TLN2: variants seen among roughly 807,000 people sequenced by gnomAD.
TLN2 encodes talin 2.
TLN2 carries 118 observed loss-of-function variants against 294.7 expected under a neutral mutation model. The observed-to-expected ratio is 0.40, with a 90% confidence interval of 0.34 to 0.47. The LOEUF (loss-of-function observed/expected upper bound fraction) is 0.47. Ranked by LOEUF, TLN2 falls within the 20% of genes least tolerant of loss-of-function variation. The pLI is 0.84. For synonymous variants in TLN2, 1,431 were observed against 1,304.5 expected (o/e 1.10, Z -2.09); for missense variants, 3,083 against 3,282.2 (o/e 0.94, Z 1.48).
At chr15:62,787,103 C>G (rs557036970) in intron 45 of TLN2, among the ~76,000 whole-genome samples, 2 of 152,020 alleles carry the variant, frequency 1.3e-5, no homozygotes, top group Non-Finnish European at 2.9e-5. Flanking sequence ...ACTATGTTGC[C>G]CAGGCTGGTC....
At chr15:62,522,371 C>A (rs2040504397) in intron 1 of TLN2, among the ~76,000 whole-genome samples, 1 of 152,196 alleles carries the variant, frequency 6.6e-6, no homozygotes. Flanking sequence ...TTGGTTTCTA[C>A]ACTTCATCCA....
intron 9 of TLN2, among the ~76,000 whole-genome samples, chr15:62,662,555 T>C (rs913051290): frequency 1.3e-5 from 2 of 152,160 alleles, no homozygotes; most frequent in Non-Finnish European, 2.9e-5. Context: ...TATAACTAAA[T>C]AGTGTTTCTT....
At chr15:62,676,290 C>A (rs2056178175) in intron 11 of TLN2, among the ~76,000 whole-genome samples, 1 of 152,202 alleles carries the variant, frequency 6.6e-6, no homozygotes, top group African/African-American at 2.4e-5. Flanking sequence ...ATCAGAAAGC[C>A]ATATACTGCA....
intron 1 of TLN2, among the ~76,000 whole-genome samples, chr15:62,501,316 G>A (rs1374818743): frequency 6.6e-6 from 1 of 152,136 alleles, no homozygotes; most frequent in Non-Finnish European, 1.5e-5. Flanking sequence ...GGCCACATGT[G>A]TCTCTCTTTG....
chr15:62,797,450 G>C lies in TLN2; in HGVS notation c.6234+48G>C. ...GCGTCCTCCCGGTCTTCCCGTGAACGCTGCACATCGGGCCTCAGAAGAGGC... is the reference window on the plus strand; with the variant it reads ...GCGTCCTCCCGGTCTTCCCGTGAACCCTGCACATCGGGCCTCAGAAGAGGC... On this transcript the variant is annotated intron_variant, in intron 48 of 58. Transcript: ENST00000636159. 1.3e-6 allele frequency: 2 copies of C among 1,524,212 alleles called. 1 individual carries two copies. Among genetic ancestry groups the C allele is most frequent in the South Asian group, 2.5e-5 (2 of 78,672 alleles). The allele number at this position is 1,524,212 out of a possible 1,614,324, so 94.4% of individuals were successfully genotyped here. A position where few individuals can be genotyped will look rare whatever the true frequency, so the allele number is the denominator to read the frequency against.
chr15:62,598,638 A>G (rs1475795199), intron 2 of TLN2, among the ~76,000 whole-genome samples: 1 of 151,922 alleles, frequency 6.6e-6, no homozygotes, highest in Non-Finnish European at 1.5e-5. Flanking sequence ...TAAGTCAAGT[A>G]CATTTGATTT....
intron 1 of TLN2, among the ~76,000 whole-genome samples, chr15:62,575,857 C>T (rs1274233271): frequency 6.6e-6 from 1 of 152,206 alleles, no homozygotes; most frequent in African/African-American, 2.4e-5. Context: ...AAATGCCCAG[C>T]CCTCCCTGCC....
intron 1 of TLN2, among the ~76,000 whole-genome samples, chr15:62,481,154 A>G (rs1260568262): frequency 6.6e-6 from 1 of 152,164 alleles, no homozygotes; most frequent in African/African-American, 2.4e-5. Flanking sequence ...GTTTCTCTTC[A>G]TTAAAAAGCA....
At chr15:62,549,946 C>T (rs1036730273) in intron 1 of TLN2, among the ~76,000 whole-genome samples, 7 of 152,052 alleles carry the variant, frequency 4.6e-5, no homozygotes, top group Admixed American at 1.3e-4. Context: ...TCTGATCAAT[C>T]GATTGGGAAT....
chr15:62,527,078 C>A (rs982360570), intron 1 of TLN2, among the ~76,000 whole-genome samples: 1 of 152,100 alleles, frequency 6.6e-6, no homozygotes. Context: ...GGGAAGGCCT[C>A]CAAGGGTTAA....
chr15:62,766,850 C>T (rs1023982160), intron 41 of TLN2, among the ~76,000 whole-genome samples: 26 of 152,180 alleles, frequency 1.7e-4, no homozygotes, highest in Admixed American at 1.0e-3. Flanking sequence ...ATAGTGTCTA[C>T]TCTTAGACAT....
chr15:62,431,523 C>A (rs1224651696), intron 1 of TLN2, among the ~76,000 whole-genome samples: 1 of 152,188 alleles, frequency 6.6e-6, no homozygotes, highest in Admixed American at 6.5e-5. Flanking sequence ...TGTGACCATA[C>A]TGCTTGTTTG....
Position 62,725,031 on chromosome 15 carries a change from C to T in TLN2, c.3182C>T (p.Thr1061Met), listed in dbSNP as rs573467780. ...EIDSALNTVQ[T>M]LKNELQDAKM... The stretch of plus-strand genomic sequence containing the variant: ...GATTCAGCTCTGAATACGGTGCAGA[C>T]GCTTAAGAATGAACTGCAGGATGCC... Residue 1061 changes from threonine (T) to methionine (M), a missense_variant, in exon 27 of 59, where the codon ACG becomes ATG. Thr to Met is a moderately conservative substitution (Grantham distance 81). Coordinates refer to ENST00000636159, the MANE Select transcript of TLN2 (RefSeq NM_015059.3). 24 of 1,613,560 alleles carry T rather than the reference C, an allele frequency of 1.5e-5. No homozygotes were observed. The highest frequency in any genetic ancestry group is 1.6e-4 in the Middle Eastern group (1 of 6,062).
At chr15:62,800,596 G>C in intron 49 of TLN2, 57 bp from the exon 50 acceptor site, 1 of 1,610,618 alleles carries the variant, frequency 6.2e-7, no homozygotes, top group Non-Finnish European at 8.5e-7. Context: ...AGTAAAAGGA[G>C]TAGGGGCTGG....
chr15:62,627,884 G>C (rs1026232075), intron 3 of TLN2, among the ~76,000 whole-genome samples: 2 of 152,046 alleles, frequency 1.3e-5, no homozygotes, highest in Non-Finnish European at 2.9e-5. Context: ...TGGGGCTCAT[G>C]TTCTGTTTCC....
intron 1 of TLN2, among the ~76,000 whole-genome samples, chr15:62,518,914 G>T (rs1392291485): frequency 1.3e-5 from 2 of 152,172 alleles, no homozygotes; most frequent in Non-Finnish European, 2.9e-5. Flanking sequence ...GTCTTTTTTA[G>T]TGTGGATTAG....
intron 4 of TLN2, 50 bp from the exon 5 acceptor site, chr15:62,650,034 T>A: frequency 6.3e-7 from 1 of 1,592,244 alleles, no homozygotes; most frequent in Non-Finnish European, 8.6e-7. Context: ...AAGTCAGTGA[T>A]GGCTTCATCA....
chr15:62,668,200 T>G (rs2054954678), intron 9 of TLN2, among the ~76,000 whole-genome samples: 1 of 152,178 alleles, frequency 6.6e-6, no homozygotes, highest in Non-Finnish European at 1.5e-5. Flanking sequence ...AAATTTTAGG[T>G]AATTTTACAA....
Position 62,797,289 on chromosome 15 carries a change from A to G in TLN2, c.6121A>G (p.Thr2041Ala), listed in dbSNP as rs750593258. ...TKLLVSGAAS[T>A]PDKLAQAAQS... is the part of the protein sequence containing the mutation. Reference sequence around the variant, plus strand: ...ACTACTTGTGTCAGGAGCTGCGTCCACTCCTGACAAGCTGGCCCAGGCGGC... The same window carrying G: ...ACTACTTGTGTCAGGAGCTGCGTCCGCTCCTGACAAGCTGGCCCAGGCGGC... The change falls in exon 48 of 59, where the codon ACT (threonine) becomes GCT (alanine). Residue 2041 changes from threonine (T) to alanine (A), a missense_variant. Transcript: ENST00000636159. The G allele has an allele frequency of 1.2e-6, 2 of 1,613,298 alleles. No individual in the cohort carries two copies. The highest frequency in any genetic ancestry group is 1.1e-5 in the South Asian group (1 of 91,046).
Sources: allele counts gnomAD v4.1 joint callset (sites outside exome capture counted in the v4.1 genomes callset), GRCh38; gene constraint gnomAD v4.1.1; transcripts MANE v1.5; gene names NCBI Gene and HGNC (gene_info 2026-07-23, HGNC 2026-07-21).